The following TEX14 variants were observed in gnomAD, a reference collection of about 807,000 sequenced individuals.
TEX14 encodes the protein testis expressed 14, intercellular bridge forming factor.
TEX14 carries 168 observed loss-of-function variants against 178.6 expected under a neutral mutation model. The observed-to-expected ratio is 0.94, with a 90% confidence interval of 0.83 to 1.07. The LOEUF (loss-of-function observed/expected upper bound fraction) is 1.07. Among genes scored for constraint, TEX14 ranks in the 50% least tolerant of loss-of-function variants. The pLI, the probability that TEX14 is intolerant of heterozygous loss-of-function variation, is 0.00. For synonymous variants in TEX14, 626 were observed against 634.1 expected (o/e 0.99, Z 0.19); for missense variants, 1,730 against 1,753.6 (o/e 0.99, Z 0.24).
chr17:58,567,767 T>C (rs1456418210), intron 26 of TEX14: 1 of 152,164 alleles, frequency 6.6e-6, no homozygotes, highest in Non-Finnish European at 1.5e-5. Flanking sequence ...AGAAACCTGG[T>C]CCAGATAATT....
At position 58,622,827 on chromosome 17, in the gene TEX14, A is replaced by G. The variant is rs765716237; in HGVS notation, c.417+20T>C. 5.7e-6 allele frequency: 9 copies of G among 1,590,928 alleles called. No individual in the cohort carries two copies. In the East Asian group the frequency reaches 1.6e-4, roughly 28 times the overall value. On this transcript the variant is annotated intron_variant, in intron 4 of 31. Coordinates refer to ENST00000349033, the MANE Select transcript of TEX14 (RefSeq NM_031272.5). ...GTACTCTTCTAGTGGGCATGGCTAC[A>G]GAGTGGGACCCACCCTTACCTGGGT...
intron 2 of TEX14, among the ~76,000 whole-genome samples, chr17:58,651,406 G>A (rs755913020): frequency 6.6e-6 from 1 of 152,168 alleles, no homozygotes; most frequent in Non-Finnish European, 1.5e-5. Context: ...TTCTTTTGAA[G>A]ACTGCTTCAG....
chr17:58,642,712 C>T (rs1567754373), intron 2 of TEX14, among the ~76,000 whole-genome samples: 1 of 152,058 alleles, frequency 6.6e-6, no homozygotes, highest in African/African-American at 2.4e-5. Context: ...AGGGTCCTAT[C>T]TCTGGTCTGG....
Position 58,573,328 on chromosome 17 carries a change from C to T in TEX14, c.3384-20G>A, listed in dbSNP as rs781513639. ...AATGATCTAAAGAATTAAGAGCACA[C>T]AGTAATGATGAGAAGATGACTAGAA... On this transcript the variant is annotated intron_variant, in intron 22 of 31. Coordinates refer to ENST00000349033, the MANE Select transcript of TEX14 (RefSeq NM_031272.5). 17 of 1,610,576 alleles carry T rather than the reference C, an allele frequency of 1.1e-5. No individual in the cohort carries two copies. In the Middle Eastern group the frequency reaches 5.0e-4, roughly 47 times the overall value.
At chr17:58,688,813 G>C (rs896448239) in intron 1 of TEX14, among the ~76,000 whole-genome samples, 2 of 152,116 alleles carry the variant, frequency 1.3e-5, no homozygotes, top group Non-Finnish European at 2.9e-5. Flanking sequence ...TTCCCGGGGG[G>C]GGTTTGGGAG....
intron 28 of TEX14, among the ~76,000 whole-genome samples, chr17:58,563,658 TAGAGAGAGAGAGAGAGAG>T (rs1180956521): frequency 1.7e-4 from 3 of 17,502 alleles, no homozygotes; most frequent in Non-Finnish European, 2.6e-4. Flanking sequence ...TATATATATA[TAGAGAGAGAGAGAGAGAG>T]AGAGAGAGAG....
chr17:58,666,600 G>C (rs2047214728), intron 1 of TEX14: 1 of 151,886 alleles, frequency 6.6e-6, no homozygotes, highest in Non-Finnish European at 1.5e-5. Flanking sequence ...ACCCACATTT[G>C]GGGAAATCGT....
chr17:58,575,271 C>T (rs1460396807), intron 21 of TEX14, among the ~76,000 whole-genome samples: 2 of 152,010 alleles, frequency 1.3e-5, no homozygotes, highest in South Asian at 2.1e-4. Context: ...TGCGCCACCA[C>T]GCCCGGCTAA....
At chr17:58,665,103 T>TG (rs2047182622) in intron 1 of TEX14, among the ~76,000 whole-genome samples, 3 of 152,174 alleles carry the variant, frequency 2.0e-5, no homozygotes, top group Admixed American at 1.3e-4. Flanking sequence ...GAATATGATG[T>TG]GGGCAACATT....
chr17:58,617,667 A>C, intron 5 of TEX14, 48 bp from the exon 6 acceptor site: 1 of 1,349,936 alleles, frequency 7.4e-7, no homozygotes, highest in Non-Finnish European at 1.1e-6. Context: ...AACCACTCAT[A>C]TCCAGAATAA....
At position 58,643,821 on chromosome 17, in the gene TEX14, G is replaced by A. The variant is rs898521005; in HGVS notation, c.136+8045C>T. 5.4e-5 allele frequency among the ~76,000 whole-genome samples: 7 copies of A among 130,524 alleles called. No individual in the cohort carries two copies. The East Asian group carries it at 1.2e-3, about 22-fold the overall frequency. 85.6% of individuals were successfully genotyped at this position (130,524 alleles called of 152,430 possible). On this transcript the variant is annotated intron_variant, in intron 2 of 31. Coordinates refer to ENST00000349033, the MANE Select transcript of TEX14 (RefSeq NM_031272.5). ...CAGGAGGTGGAGGTTGCAGTGAGCC[G>A]AGATTGCGCCACTTCACTCCACCAG...
rs760075630 is a variant in TEX14 at position 58,587,979 on chromosome 17, T to C, written c.2619A>G (p.Thr873=). The C allele has an allele frequency of 3.1e-6, 5 of 1,598,968 alleles. No homozygotes were observed. Among genetic ancestry groups the C allele is most frequent in the African/African-American group, 2.7e-5 (2 of 74,578 alleles). Residue 873 remains threonine, a synonymous_variant, in exon 16 of 32, where the codon ACA becomes ACG. Coordinates refer to ENST00000349033, the MANE Select transcript of TEX14 (RefSeq NM_031272.5). ...PRESTAQAKA[T]QFNSALFTLS... is the part of the protein sequence containing the mutation. ...GAGTGAAGAGTGCACTATTAAACTG[T>C]GTGGCTTTGGCTTGGGCAGTGGACT...
At chr17:58,644,990 T>C (rs889849712) in intron 2 of TEX14, among the ~76,000 whole-genome samples, 1 of 138,168 alleles carries the variant, frequency 7.2e-6, no homozygotes, top group Non-Finnish European at 1.6e-5. Context: ...TTTTCTTAAC[T>C]TTTTTTTTTT....
intron 2 of TEX14, among the ~76,000 whole-genome samples, chr17:58,640,644 T>TGAGAGAGA (rs150602548): frequency 6.8e-6 from 1 of 147,052 alleles, no homozygotes; most frequent in African/African-American, 2.5e-5. Context: ...TGTGTGTGTG[T>TGAGAGAGA]GAGAGAGAGA....
intron 1 of TEX14, among the ~76,000 whole-genome samples, chr17:58,689,523 C>A (rs2047656750): frequency 6.6e-6 from 1 of 152,030 alleles, no homozygotes; most frequent in South Asian, 2.1e-4. Context: ...CCGGCCTACC[C>A]CATGTTTTAT....
At chr17:58,595,728 C>T (rs1464790803) in intron 14 of TEX14, among the ~76,000 whole-genome samples, 1 of 152,224 alleles carries the variant, frequency 6.6e-6, no homozygotes, top group Non-Finnish European at 1.5e-5. Flanking sequence ...CTGAGTGATG[C>T]TAGCCAATGG....
At chr17:58,624,010 G>A (rs1160552151) in intron 3 of TEX14, among the ~76,000 whole-genome samples, 1 of 152,220 alleles carries the variant, frequency 6.6e-6, no homozygotes, top group Non-Finnish European at 1.5e-5. Flanking sequence ...CAGGCCGGGT[G>A]TGGTGGCTCA....
chr17:58,646,153 G>GA (rs1402231513), intron 2 of TEX14, among the ~76,000 whole-genome samples: 1 of 151,942 alleles, frequency 6.6e-6, no homozygotes, highest in East Asian at 1.9e-4. Context: ...AGCAACCACT[G>GA]AAAAAACAAT....
intron 1 of TEX14, chr17:58,666,665 A>G (rs1181216813): frequency 2.6e-5 from 4 of 152,180 alleles, no homozygotes; most frequent in East Asian, 1.9e-4. Flanking sequence ...AACCACCTCC[A>G]TAATCACAGT....
Sources: gnomAD v4.1 joint callset for allele counts (sites outside exome capture counted in the v4.1 genomes callset) on GRCh38, gnomAD v4.1.1 for gene constraint, MANE v1.5 for transcripts, NCBI Gene and HGNC (gene_info 2026-07-23, HGNC 2026-07-21) for gene names.